Variants in NR2F2 observed in about 807,000 individuals in gnomAD.
NR2F2 encodes COUP transcription factor 2.
A neutral mutation model predicts 34.8 loss-of-function variants in NR2F2; 2 were observed. The observed-to-expected ratio is 0.06, with a 90% CI of 0.02 to 0.18. The LOEUF is 0.18. NR2F2 is among the 10% of genes least tolerant of loss of function. NR2F2 has a pLI of 1.00. For missense variants in NR2F2, 300 were observed against 580.1 expected (o/e 0.52, Z 4.96); for synonymous variants, 274 against 251.8 (o/e 1.09, Z -0.84).
chr15:96,333,250 C>A, intron 1 of NR2F2: 2 of 766,556 alleles, frequency 2.6e-6, no homozygotes, highest in Non-Finnish European at 3.3e-6. Flanking sequence ...CCGTGCTTTG[C>A]CAATGGCGCG....
At chr15:96,335,346 T>C (rs904582553) in intron 2 of NR2F2, among the ~76,000 whole-genome samples, 1 of 152,240 alleles carries the variant, frequency 6.6e-6, no homozygotes, top group Non-Finnish European at 1.5e-5. Flanking sequence ...TATAAAACCA[T>C]CATTGACTGC....
At position 96,333,996 on chromosome 15, in the gene NR2F2, G is replaced by A. The variant is rs886733805; in HGVS notation, c.443-80G>A. 1.9e-6 allele frequency: 3 copies of A among 1,545,470 alleles called. No individual in the cohort carries two copies. In the African/African-American group the frequency reaches 4.1e-5, roughly 21 times the overall value. On this transcript the variant is annotated intron_variant, in intron 1 of 2. Coordinates refer to ENST00000394166, the MANE Select transcript of NR2F2 (RefSeq NM_021005.4). Reference sequence around the variant, plus strand: ...TCAGGGCCTGGGTCAGGTGGGGGTCGGGCTGGGGCAGACCCCGCCGGGGAA... The same window carrying A: ...TCAGGGCCTGGGTCAGGTGGGGGTCAGGCTGGGGCAGACCCCGCCGGGGAA...
chr15:96,333,583 G>GCATGCTTCGCCCATGTCCGCCGACC, intron 1 of NR2F2: 3 of 1,011,900 alleles, frequency 3.0e-6, no homozygotes, highest in South Asian at 8.6e-5. Flanking sequence ...CCGCCGGGCT[G>GCATGCTTCGCCCATGTCCGCCGACC]GGGCTGGGGC....
chr15:96,332,458 A>G lies in NR2F2; in HGVS notation c.353A>G (p.Asn118Ser). Residue 118 changes from asparagine (N) to serine (S), a missense_variant, in exon 1 of 3, where the codon AAC becomes AGC. Physicochemically the swap from Asn to Ser is conservative, Grantham distance 46. Transcript: ENST00000394166. ...RRNLSYTCRA[N>S]RNCPIDQHHR... ...AACCTGAGCTACACGTGCCGCGCCA[A>G]CCGGAACTGTCCCATCGACCAGCAC... 6.2e-7 allele frequency: 1 copy of G among 1,614,188 alleles called. No homozygotes were observed. Among genetic ancestry groups the G allele is most frequent in the Admixed American group, 1.7e-5 (1 of 60,026 alleles).
chr15:96,334,247 A>C lies in NR2F2; in HGVS notation c.614A>C (p.Asn205Thr). 6.2e-7 allele frequency: 1 copy of C among 1,614,140 alleles called. No individual in the cohort carries two copies. The highest frequency in any genetic ancestry group is 8.5e-7 in the Non-Finnish European group (1 of 1,180,022). Residue 205 changes from asparagine to threonine, a missense_variant, in exon 2 of 3, where the codon AAC (asparagine) becomes ACC (threonine). By Grantham distance (65) the Asn-to-Thr change is moderately conservative. Around this residue, in one of 6 missense-constraint regions of NR2F2, gnomAD observed 164 missense variants for 365.3 expected, o/e 0.45. Transcript: ENST00000394166. Reference protein sequence around the residue: ...RFGSQCMQPNNIMGIENICEL... With the variant: ...RFGSQCMQPNTIMGIENICEL... ...GGCAGCCAATGCATGCAGCCCAACA[A>C]CATCATGGGTATCGAGAACATTTGC... is the stretch of plus-strand genomic sequence containing the variant.
At chr15:96,329,924 T>C (rs1366606930), upstream of NR2F2, among the ~76,000 whole-genome samples, 2 of 151,920 alleles carry the variant, frequency 1.3e-5, no homozygotes, top group Non-Finnish European at 2.9e-5. Flanking sequence ...CTGTGAAATG[T>C]TAACCCTACA....
At chr15:96,329,620 C>T (rs150652693), upstream of NR2F2, among the ~76,000 whole-genome samples, 64 of 152,272 alleles carry the variant, frequency 4.2e-4, 2 homozygotes, top group East Asian at 0.012. Context: ...TGTCTGTGTA[C>T]ATTGACAAAT....
Position 96,334,109 on chromosome 15 carries a change from C to A in NR2F2, c.476C>A (p.Pro159Gln). 6.2e-7 allele frequency: 1 copy of A among 1,613,484 alleles called. No homozygotes were observed. Among genetic ancestry groups the A allele is most frequent in the Non-Finnish European group, 8.5e-7 (1 of 1,179,990 alleles). The change falls in exon 2 of 3, where the codon CCG becomes CAG. Residue 159 changes from proline (P) to glutamine (Q), a missense_variant. Pro to Gln is a moderately conservative substitution (Grantham distance 76). Around this residue, in one of 6 missense-constraint regions of NR2F2, gnomAD observed 164 missense variants for 365.3 expected, o/e 0.45. Transcript: ENST00000394166. ...AGGGGCAGGATGCCGCCGACCCAGC[C>A]GACCCACGGGCAGTTCGCGCTGACC... ...VQRGRMPPTQ[P>Q]THGQFALTNG... is the part of the protein sequence containing the mutation.
intron 1 of NR2F2, chr15:96,333,406 C>T: frequency 3.0e-6 from 3 of 1,002,280 alleles, no homozygotes; most frequent in South Asian, 9.4e-5. Flanking sequence ...ACAGGCCCTG[C>T]CCAGGCTCCG....
At chr15:96,335,485 T>C (rs991171556) in intron 2 of NR2F2, among the ~76,000 whole-genome samples, 23 of 152,226 alleles carry the variant, frequency 1.5e-4, no homozygotes, top group African/African-American at 5.5e-4. Flanking sequence ...CTGAGCTTTT[T>C]GGCTGCCTCC....
At chr15:96,328,915 G>A (rs1019299168), upstream of NR2F2, among the ~76,000 whole-genome samples, 41 of 152,070 alleles carry the variant, frequency 2.7e-4, no homozygotes, top group African/African-American at 8.9e-4. Flanking sequence ...GCCCCTATCT[G>A]CCCAGATCTT....
intron 1 of NR2F2, 159 bp from the exon 2 acceptor site, chr15:96,333,917 C>T (rs1899238326): frequency 3.4e-6 from 5 of 1,464,140 alleles, no homozygotes; most frequent in Non-Finnish European, 4.5e-6. Flanking sequence ...AGGAATGGTG[C>T]CAAGAGCCTG....
At chr15:96,326,059 C>T, upstream of NR2F2, 1 of 577,598 alleles carries the variant, frequency 1.7e-6, no homozygotes, top group South Asian at 2.2e-5. The surrounding 1 kb of genome is among the most constrained non-coding windows in gnomAD (Gnocchi z 5.5). Flanking sequence ...AGTTAGTGTG[C>T]AGGGTTTTCC....
upstream of NR2F2, chr15:96,326,165 C>CT (rs1210871872): frequency 9.7e-6 from 7 of 720,178 alleles, no homozygotes; most frequent in Non-Finnish European, 1.7e-5. This position sits in a 1 kb window ranked among gnomAD's most constrained non-coding sequence, Gnocchi z 5.5. Flanking sequence ...CTAGTGCCTA[C>CT]TTTTTATCAG....
Position 96,330,880 on chromosome 15 carries a change from G to C in NR2F2, c.-1226G>C. 8.7e-7 allele frequency: 1 copy of C among 1,155,390 alleles called. No individual in the cohort carries two copies. Among genetic ancestry groups the C allele is most frequent in the Non-Finnish European group, 1.1e-6 (1 of 938,312 alleles). 71.6% of individuals were successfully genotyped at this position (1,155,390 alleles called of 1,614,324 possible). ...TCCCCGAGTTGCCTCCTTTCTCCGGGTGCCGTACTGCCTTTTTTCCCCTCT... is the reference window on the plus strand; with the variant it reads ...TCCCCGAGTTGCCTCCTTTCTCCGGCTGCCGTACTGCCTTTTTTCCCCTCT... On this transcript the variant is annotated 5_prime_UTR_variant, in exon 1 of 3. Transcript: ENST00000394166.
At position 96,337,125 on chromosome 15, in the gene NR2F2, C is replaced by G. The variant is rs182679045; in HGVS notation, c.971-223C>G. ...TTTTATTTTAAAGCAAACACTTCCT[C>G]AGGACCATCTCTTGCTCTTTCTTCC... On this transcript the variant is annotated intron_variant, in intron 2 of 2. Coordinates refer to ENST00000394166, the MANE Select transcript of NR2F2 (RefSeq NM_021005.4). Among the ~76,000 whole-genome samples, 6 of 152,232 alleles carry G rather than the reference C, an allele frequency of 3.9e-5. No individual in the cohort carries two copies. The East Asian group carries it at 1.2e-3, about 29-fold the overall frequency.
rs1899397331 is a variant in NR2F2, at chr15:96,338,389, T to A, written c.*767T>A. ...AAATATTTTAAGAAAGAGAATGAAC[T>A]GTGGAATTTATTGGCAGCCAAGGAA... On this transcript the variant is annotated 3_prime_UTR_variant, in exon 3 of 3. Coordinates refer to ENST00000394166, the MANE Select transcript of NR2F2 (RefSeq NM_021005.4). 1 of 152,586 alleles carries A rather than the reference T, an allele frequency of 6.6e-6. No individual in the cohort carries two copies. The allele number at this position is 152,586 out of a possible 1,614,324, so 9.5% of individuals were successfully genotyped here.
chr15:96,334,866 C>T (rs1899275294), intron 2 of NR2F2, among the ~76,000 whole-genome samples: 2 of 152,266 alleles, frequency 1.3e-5, no homozygotes, highest in Admixed American at 1.3e-4. Context: ...GCCTGTTTCC[C>T]CCACCTGCAG....
At chr15:96,333,653 G>T in intron 1 of NR2F2, 3 of 1,078,194 alleles carry the variant, frequency 2.8e-6, no homozygotes, top group Non-Finnish European at 3.4e-6. Context: ...GTGGACCCTC[G>T]TGCCTTTTGC....
Sources: allele counts gnomAD v4.1 joint callset (sites outside exome capture counted in the v4.1 genomes callset), GRCh38; gene constraint gnomAD v4.1.1; regional missense constraint gnomAD v4.1.1; non-coding constraint Gnocchi (gnomAD v3.1); transcripts MANE v1.5; gene names NCBI Gene and HGNC (gene_info 2026-07-23, HGNC 2026-07-21).